ELOVL6: variants seen among roughly 807,000 people sequenced by gnomAD.
ELOVL6 encodes ELOVL fatty acid elongase 6, also known as very long chain fatty acid elongase 6.
In ELOVL6, 8 loss-of-function variants were observed where a neutral mutation model predicts 31.7. The ratio of observed to expected loss-of-function variants is 0.25; its 90% confidence interval spans 0.15 to 0.45. The LOEUF is 0.45. Ranked by LOEUF, ELOVL6 falls within the 20% of genes least tolerant of loss-of-function variation. ELOVL6 has a pLI of 1.00. For synonymous variants in ELOVL6, 101 were observed against 117.7 expected (o/e 0.86, Z 0.92); for missense variants, 126 against 326.4 (o/e 0.39, Z 4.73).
chr4:110,169,961 C>T (rs1758895873), intron 1 of ELOVL6, among the ~76,000 whole-genome samples: 1 of 151,024 alleles, frequency 6.6e-6, no homozygotes, highest in Non-Finnish European at 1.5e-5. Context: ...TGTGACACCA[C>T]ACCTGGCTAA....
In ELOVL6 at chr4:110,088,029, A is replaced by G. The variant is rs1011657792; in HGVS notation, c.221+17468T>C. ...GAAGAGTGTTTTAAATTGCAAATGTATTTAGAATTTATAGAACATCAAAGG... is the reference window on the plus strand; with the variant it reads ...GAAGAGTGTTTTAAATTGCAAATGTGTTTAGAATTTATAGAACATCAAAGG... On this transcript the variant is annotated intron_variant, in intron 2 of 3. Coordinates refer to ENST00000302274, the MANE Select transcript of ELOVL6 (RefSeq NM_024090.3). Among the ~76,000 whole-genome samples the G allele has an allele frequency of 3.9e-5, 6 of 152,148 alleles. No individual in the cohort carries two copies. The East Asian group carries it at 7.7e-4, about 20-fold the overall frequency.
rs11946615 is a variant in ELOVL6, at chr4:110,063,007, T to C, written c.222-3253A>G. On this transcript the variant is annotated intron_variant, in intron 2 of 3. Transcript: ENST00000302274. ...GTGCTCAACGAAACAGTTTTCATTA[T>C]ATTACTCTTCTTACTCTATCACTAT... Among the ~76,000 whole-genome samples the C allele has an allele frequency of 1.3e-5, 2 of 152,178 alleles. 1 individual carries two copies. The highest frequency in any genetic ancestry group is 4.1e-4 in the South Asian group (2 of 4,830).
Position 110,198,568 on chromosome 4 carries a change from G to A in ELOVL6, c.-233C>T, listed in dbSNP as rs1054469231. 26 of 474,488 alleles carry A rather than the reference G, an allele frequency of 5.5e-5. No individual in the cohort carries two copies. In the East Asian group the frequency reaches 8.9e-4, roughly 16 times the overall value. The allele number at this position is 474,488 out of a possible 1,614,324, so 29.4% of individuals were successfully genotyped here. On this transcript the variant is annotated 5_prime_UTR_variant, in exon 1 of 4. Transcript: ENST00000302274. ...CTCTCTCTGGGGCTCTCCTCCTCCC[G>A]GCGTCCGCATCCACCGTAGGAGGAA... is the stretch of plus-strand genomic sequence containing the variant.
intron 1 of ELOVL6, among the ~76,000 whole-genome samples, chr4:110,122,269 C>A (rs372612725): frequency 6.6e-6 from 1 of 152,152 alleles, no homozygotes; most frequent in Admixed American, 6.5e-5. Flanking sequence ...TATTAGCCAA[C>A]TATCTTGTTT....
chr4:110,084,398 T>TATCGCATAC (rs1756124023), intron 2 of ELOVL6, among the ~76,000 whole-genome samples: 1 of 96,540 alleles, frequency 1.0e-5, no homozygotes, highest in Non-Finnish European at 2.2e-5. Context: ...ATATATGATA[T>TATCGCATAC]ATGATATATG....
At chr4:110,173,574 G>A (rs1226965053) in intron 1 of ELOVL6, among the ~76,000 whole-genome samples, 1 of 145,922 alleles carries the variant, frequency 6.9e-6, no homozygotes, top group African/African-American at 2.5e-5. Context: ...TTCCTCAACT[G>A]TAAAAAATTC....
At chr4:110,191,458 A>C (rs1759619587) in intron 1 of ELOVL6, among the ~76,000 whole-genome samples, 1 of 152,190 alleles carries the variant, frequency 6.6e-6, no homozygotes, top group African/African-American at 2.4e-5. Context: ...ATAAAGAGTA[A>C]AGGGAGGGCT....
intron 1 of ELOVL6, among the ~76,000 whole-genome samples, chr4:110,174,691 C>G (rs959655681): frequency 4.6e-5 from 7 of 152,044 alleles, no homozygotes; most frequent in Non-Finnish European, 7.3e-5. Flanking sequence ...GCTATAAGAC[C>G]TATTAGTCAC....
At chr4:110,177,626 C>T (rs943700571) in intron 1 of ELOVL6, among the ~76,000 whole-genome samples, 4 of 151,916 alleles carry the variant, frequency 2.6e-5, no homozygotes, top group Non-Finnish European at 5.9e-5. Context: ...ATGGCAGCCA[C>T]CTTGTGACCA....
intron 1 of ELOVL6, among the ~76,000 whole-genome samples, chr4:110,107,494 A>G (rs79487298): frequency 0.022 from 3,409 of 152,346 alleles, 144 homozygotes; most frequent in Admixed American, 0.11. Flanking sequence ...TCAGAAAAAT[A>G]TTATGATACA....
intron 1 of ELOVL6, among the ~76,000 whole-genome samples, chr4:110,193,885 T>A (rs1296516241): frequency 6.6e-6 from 1 of 152,164 alleles, no homozygotes; most frequent in Non-Finnish European, 1.5e-5. Flanking sequence ...CATGAAGTTC[T>A]AGGCAAGCCC....
chr4:110,120,653 T>A (rs1757319949), intron 1 of ELOVL6, among the ~76,000 whole-genome samples: 1 of 152,024 alleles, frequency 6.6e-6, no homozygotes, highest in African/African-American at 2.4e-5. Context: ...CTGCACTTAC[T>A]ATATTCTAGG....
At chr4:110,076,382 G>A (rs1289792265) in intron 2 of ELOVL6, among the ~76,000 whole-genome samples, 1 of 151,942 alleles carries the variant, frequency 6.6e-6, no homozygotes, top group Non-Finnish European at 1.5e-5. Context: ...TTTTAGTCAA[G>A]CACAAATCAC....
intron 1 of ELOVL6, among the ~76,000 whole-genome samples, chr4:110,173,670 A>AAATAATAAT (rs148753272): frequency 4.5e-4 from 63 of 140,948 alleles, no homozygotes; most frequent in African/African-American, 1.5e-3. Context: ...AGGTAAAGGA[A>AAATAATAAT]AATAATAATA....
At chr4:110,096,586 T>A (rs1756585658) in intron 2 of ELOVL6, among the ~76,000 whole-genome samples, 2 of 152,186 alleles carry the variant, frequency 1.3e-5, no homozygotes, top group South Asian at 4.1e-4. Flanking sequence ...TCTGAGCTAG[T>A]CTGGGTTGAC....
chr4:110,066,595 C>T (rs1755309005), intron 2 of ELOVL6, among the ~76,000 whole-genome samples: 1 of 133,138 alleles, frequency 7.5e-6, no homozygotes, highest in Non-Finnish European at 1.5e-5. Flanking sequence ...GCCGAGATTG[C>T]ACCACTGCAC....
At chr4:110,172,072 C>T (rs1189598298) in intron 1 of ELOVL6, among the ~76,000 whole-genome samples, 1 of 152,148 alleles carries the variant, frequency 6.6e-6, no homozygotes, top group Non-Finnish European at 1.5e-5. Flanking sequence ...AACCCAAAGT[C>T]ATGAGAATCC....
Position 110,198,534 on chromosome 4 carries a change from T to TC in ELOVL6, c.-200dup. 1.9e-6 allele frequency: 1 copy of TC among 533,730 alleles called. No homozygotes were observed. Among genetic ancestry groups the TC allele is most frequent in the Non-Finnish European group, 3.3e-6 (1 of 304,552 alleles). 33.1% of individuals were successfully genotyped at this position (533,730 alleles called of 1,614,324 possible). On this transcript the variant is annotated 5_prime_UTR_variant, in exon 1 of 4. An upstream open reading frame in the 5' UTR gains an earlier in-frame stop. Coordinates refer to ENST00000302274, the MANE Select transcript of ELOVL6 (RefSeq NM_024090.3). ...GGCTGAGCATTGCCTGCGCCTCCGC[T>TC]CCCAGCTCCTCTCTCTGGGGCTCTC...
intron 3 of ELOVL6, among the ~76,000 whole-genome samples, chr4:110,057,344 G>A (rs557740101): frequency 6.6e-6 from 1 of 151,830 alleles, no homozygotes; most frequent in African/African-American, 2.4e-5. Context: ...AAAAATTGAG[G>A]GGGAAGTAGT....
Sources: gnomAD v4.1 joint callset for allele counts (sites outside exome capture counted in the v4.1 genomes callset) on GRCh38, gnomAD v4.1.1 for gene constraint, MANE v1.5 for transcripts, NCBI Gene and HGNC (gene_info 2026-07-23, HGNC 2026-07-21) for gene names.